The following OAS1 variants were observed in gnomAD, a reference collection of about 807,000 sequenced individuals.
OAS1 encodes the protein 2'-5'-oligoadenylate synthetase 1.
In OAS1, 24 loss-of-function variants were observed where a neutral mutation model predicts 38.5. That is an observed-to-expected ratio of 0.62 (90% CI 0.45 to 0.88). The LOEUF (loss-of-function observed/expected upper bound fraction) is 0.88, where lower values mean the gene tolerates loss of function less well. OAS1 is among the 40% of genes least tolerant of loss of function. The pLI is 0.00. For synonymous variants in OAS1, 169 were observed against 193.9 expected (o/e 0.87, Z 1.07); for missense variants, 482 against 493.9 (o/e 0.98, Z 0.23).
At chr12:112,911,375 A>C in intron 3 of OAS1, 140 bp downstream of exon 3, 2 of 645,882 alleles carry the variant, frequency 3.1e-6, no homozygotes, top group Non-Finnish European at 2.5e-6. Flanking sequence ...AAAGGAGAGA[A>C]AGGAAAAAGA....
At position 112,932,039 on chromosome 12, in the gene OAS1, C is replaced by T. The variant is rs141449308; in HGVS notation, c.*117C>T. The T allele has an allele frequency of 5.8e-4, 379 of 649,570 alleles. 1 individual carries two copies. In the African/African-American group the frequency reaches 6.5e-3, roughly 11 times the overall value. 40.2% of individuals were successfully genotyped at this position (649,570 alleles called of 1,614,324 possible). ...AACCTTCAATAATAAACAGACGTCT[C>T]ATAAAATTAATTGCAACCCAACCTC... On this transcript the variant is annotated 3_prime_UTR_variant, in exon 7 of 7. Transcript: ENST00000540589.
At position 112,919,375 on chromosome 12, in the gene OAS1, T is replaced by C. The variant is rs771869700; in HGVS notation, c.1039-14T>C. The C allele has an allele frequency of 3.1e-6, 5 of 1,605,460 alleles. No homozygotes were observed. The highest frequency in any genetic ancestry group is 1.1e-5 in the South Asian group (1 of 89,766). ...GAAGACTCCCTGATGTGATCATGTG[T>C]CTCACCCTTTCAGGCTGAAAGCAAC... is the stretch of plus-strand genomic sequence containing the variant. On this transcript the variant is annotated splice_polypyrimidine_tract_variant and intron_variant, in intron 5 of 5. Transcript: ENST00000202917.
chr12:112,921,097 C>T (rs1222693138), downstream of OAS1, among the ~76,000 whole-genome samples: 1 of 152,224 alleles, frequency 6.6e-6, no homozygotes, highest in African/African-American at 2.4e-5. Context: ...AATGTCCCAG[C>T]TCAACCTGAG....
intron 4 of OAS1, 36 bp from the exon 5 acceptor site, chr12:112,917,511 C>A: frequency 6.2e-7 from 1 of 1,612,516 alleles, no homozygotes; most frequent in Non-Finnish European, 8.5e-7. Flanking sequence ...AGAGCCCCAG[C>A]TTCTCACCTG....
intron 6 of OAS1, among the ~76,000 whole-genome samples, chr12:112,926,267 G>T (rs553312814): frequency 2.2e-4 from 34 of 152,170 alleles, no homozygotes; most frequent in Non-Finnish European, 4.0e-4. Context: ...AATTACAGAG[G>T]CATGAACAAC....
Position 112,907,132 on chromosome 12 carries a change from C to T in OAS1, c.93C>T (p.Asn31=). Residue 31 remains asparagine, a synonymous_variant, in exon 1 of 6, where the codon AAC becomes AAT. Coordinates refer to ENST00000202917, the MANE Select transcript of OAS1 (RefSeq NM_016816.4). Reference sequence around the variant, plus strand: ...ACACGTGTTTCCGCATGCAAATCAACCATGCCATTGACATCATCTGTGGGT... The same window carrying T: ...ACACGTGTTTCCGCATGCAAATCAATCATGCCATTGACATCATCTGTGGGT... The part of the protein sequence containing the change: ...LPDTCFRMQI[N]HAIDIICGFL... 1 of 1,614,196 alleles carries T rather than the reference C, an allele frequency of 6.2e-7. No individual in the cohort carries two copies. The highest frequency in any genetic ancestry group is 8.5e-7 in the Non-Finnish European group (1 of 1,180,024).
intron 6 of OAS1, among the ~76,000 whole-genome samples, chr12:112,926,657 G>A (rs1010580133): frequency 6.6e-6 from 1 of 152,206 alleles, no homozygotes; most frequent in African/African-American, 2.4e-5. Context: ...GAGATCACAA[G>A]GTCAGGGCAA....
intron 1 of OAS1, among the ~76,000 whole-genome samples, chr12:112,907,433 TAAC>T (rs2043312637): frequency 1.3e-5 from 2 of 152,188 alleles, no homozygotes. Flanking sequence ...TCCCTATTAT[TAAC>T]AAGTGACCCT....
chr12:112,922,973 T>C (rs1228765036), downstream of OAS1, among the ~76,000 whole-genome samples: 1 of 152,186 alleles, frequency 6.6e-6, no homozygotes, highest in African/African-American at 2.4e-5. Context: ...CAAACAATCT[T>C]TCCTCCTTGG....
downstream of OAS1, among the ~76,000 whole-genome samples, chr12:112,924,329 A>G (rs1330598207): frequency 6.6e-6 from 1 of 152,082 alleles, no homozygotes; most frequent in Non-Finnish European, 1.5e-5. Context: ...TTCTCTTTTT[A>G]TCAAGTCATT....
downstream of OAS1, chr12:112,932,813 C>T (rs986956456): frequency 6.6e-6 from 1 of 152,186 alleles, no homozygotes; most frequent in African/African-American, 2.4e-5. Context: ...GGATGCAAAC[C>T]CTAAACTGCC....
rs573660096 is a variant in OAS1, at chr12:112,929,507, G to A, written c.1168-2371G>A. 2.6e-5 allele frequency among the ~76,000 whole-genome samples: 4 copies of A among 152,262 alleles called. No homozygotes were observed. The South Asian group carries it at 8.3e-4, about 32-fold the overall frequency. On this transcript the variant is annotated intron_variant, in intron 6 of 6. Transcript: ENST00000540589. The stretch of plus-strand genomic sequence containing the variant: ...TTGTTGCATATTCTGTTTGGTTCCT[G>A]GAGTTACCTACACAAGAGCCTCAGG...
In OAS1 at chr12:112,908,772, C is replaced by G. The variant is rs754283775; in HGVS notation, c.417C>G (p.Leu139=). The change falls in exon 2 of 6, where the codon CTC becomes CTG. Residue 139 remains leucine, a synonymous_variant. Coordinates refer to ENST00000202917, the MANE Select transcript of OAS1 (RefSeq NM_016816.4). ...CGCTCAGCTTCGTACTGAGTTCGCT[C>G]CAGCTCGGGGAGGGGGTGGAGTTCG... The part of the protein sequence containing the change: ...PRALSFVLSS[L]QLGEGVEFDV... 1.8e-5 allele frequency: 29 copies of G among 1,610,892 alleles called. No individual in the cohort carries two copies. The highest frequency in any genetic ancestry group is 8.5e-7 in the Non-Finnish European group (1 of 1,177,502).
chr12:112,930,137 A>G (rs2043588624), intron 6 of OAS1, among the ~76,000 whole-genome samples: 2 of 151,896 alleles, frequency 1.3e-5, no homozygotes, highest in Admixed American at 6.6e-5. Context: ...CCTCCTCCCC[A>G]CTTTCTCTCA....
chr12:112,921,538 C>T (rs1238056040), downstream of OAS1, among the ~76,000 whole-genome samples: 2 of 152,210 alleles, frequency 1.3e-5, no homozygotes, highest in Non-Finnish European at 2.9e-5. Context: ...AGGGCATAGA[C>T]ATTTTTGCTG....
chr12:112,917,006 A>C, intron 4 of OAS1: 1 of 438,126 alleles, frequency 2.3e-6, no homozygotes. Flanking sequence ...ACAGAAAATG[A>C]GTAAAATAGC....
At position 112,908,588 on chromosome 12, in the gene OAS1, T is replaced by A; in HGVS notation, c.233T>A (p.Leu78Gln). Residue 78 changes from leucine to glutamine, a missense_variant, in exon 2 of 6, where the codon CTG (leucine) becomes CAG (glutamine). Physicochemically the swap from Leu to Gln is moderately radical, Grantham distance 113. Transcript: ENST00000202917. ...TTLRGRSDAD[L>Q]VVFLSPLTTF... ...CTCAGAGGCCGATCTGACGCTGACCTGGTTGTCTTCCTCAGTCCTCTCACC... is the reference window on the plus strand; with the variant it reads ...CTCAGAGGCCGATCTGACGCTGACCAGGTTGTCTTCCTCAGTCCTCTCACC... The A allele has an allele frequency of 6.2e-7, 1 of 1,614,114 alleles. No homozygotes were observed. Among genetic ancestry groups the A allele is most frequent in the Non-Finnish European group, 8.5e-7 (1 of 1,179,994 alleles).
At chr12:112,930,208 C>T (rs991466745) in intron 6 of OAS1, among the ~76,000 whole-genome samples, 14 of 152,248 alleles carry the variant, frequency 9.2e-5, no homozygotes, top group African/African-American at 3.4e-4. Context: ...GATTGTAAGC[C>T]TCCTGAGGCC....
Position 112,908,771 on chromosome 12 carries a change from T to C in OAS1, c.416T>C (p.Leu139Pro). 6.2e-7 allele frequency: 1 copy of C among 1,611,206 alleles called. No homozygotes were observed. Among genetic ancestry groups the C allele is most frequent in the Non-Finnish European group, 8.5e-7 (1 of 1,177,648 alleles). Residue 139 changes from leucine (L) to proline (P), a missense_variant, in exon 2 of 6, where the codon CTC becomes CCC. Leu to Pro is a moderately conservative substitution (Grantham distance 98). Transcript: ENST00000202917. ...PRALSFVLSS[L>P]QLGEGVEFDV... is the part of the protein sequence containing the mutation. The stretch of plus-strand genomic sequence containing the variant: ...GCGCTCAGCTTCGTACTGAGTTCGC[T>C]CCAGCTCGGGGAGGGGGTGGAGTTC...
Sources: allele counts gnomAD v4.1 joint callset (sites outside exome capture counted in the v4.1 genomes callset), GRCh38; gene constraint gnomAD v4.1.1; transcripts MANE v1.5; gene names NCBI Gene and HGNC (gene_info 2026-07-23, HGNC 2026-07-21).